The following HDGF variants were observed in gnomAD, a reference collection of about 807,000 sequenced individuals.
The protein encoded by HDGF is hepatoma-derived growth factor.
Under a neutral mutation model 30.0 loss-of-function variants are expected in HDGF, and 5 were observed. That is an observed-to-expected ratio of 0.17 (90% CI 0.09 to 0.35). The LOEUF is 0.35. HDGF is among the 10% of genes least tolerant of loss of function. The pLI is 1.00. For missense variants in HDGF, 214 were observed against 302.8 expected, an observed-to-expected ratio of 0.71 and a Z score of 2.18; for synonymous variants, 133 against 112.7, an observed-to-expected ratio of 1.18 and a Z score of -1.14.
intron 3 of HDGF, 27 bp from the exon 4 acceptor site, chr1:156,744,375 T>G (rs1429993699): frequency 6.2e-7 from 1 of 1,612,298 alleles, no homozygotes; most frequent in South Asian, 1.1e-5. Context: ...ACAGGCTGAG[T>G]GGCACCAGTC....
Position 156,743,854 on chromosome 1 carries a change from C to T in HDGF, c.514G>A (p.Ala172Thr), listed in dbSNP as rs1650315148. The change falls in exon 5 of 6, where the codon GCA (alanine) becomes ACA (threonine). Residue 172 changes from alanine (A) to threonine (T), a missense_variant. Ala to Thr is a moderately conservative substitution (Grantham distance 58). Around this residue, in one of 2 missense-constraint regions of HDGF, gnomAD observed 176 missense variants for 211.7 expected, o/e 0.83. Transcript: ENST00000357325. ...TTCTCCTCTCCTTCAGGGTTTTCTG[C>T]CTCCTTGGGACGTTTAGGAGAGTCC... The part of the protein sequence containing the change: ...LEDSPKRPKE[A>T]ENPEGEEKEA... 2 of 1,613,412 alleles carry T rather than the reference C, an allele frequency of 1.2e-6. No homozygotes were observed. Among genetic ancestry groups the T allele is most frequent in the Non-Finnish European group, 1.7e-6 (2 of 1,179,620 alleles).
At chr1:156,762,645 C>T (rs6701717) in intron 1 of HDGF, among the ~76,000 whole-genome samples, 6,459 of 151,828 alleles carry the variant, frequency 0.043, 475 homozygotes, top group African/African-American at 0.15. Context: ...CTGAGGTAGT[C>T]GGATCACCTG....
chr1:156,744,400 C>T (rs1296510913), intron 3 of HDGF, 52 bp from the exon 4 acceptor site: 1 of 1,603,144 alleles, frequency 6.2e-7, no homozygotes, highest in Non-Finnish European at 8.5e-7. Flanking sequence ...CCATGCTGGG[C>T]CCCCTCCCCA....
At chr1:156,763,451 G>T (rs6680085) in intron 1 of HDGF, among the ~76,000 whole-genome samples, 6,488 of 151,712 alleles carry the variant, frequency 0.043, 491 homozygotes, top group African/African-American at 0.15. Context: ...CTTGACCTTG[G>T]GATCCACCCG....
upstream of HDGF, chr1:156,751,962 C>G: frequency 7.2e-7 from 1 of 1,385,120 alleles, no homozygotes; most frequent in African/African-American, 1.4e-5. This position sits in a 1 kb window ranked among gnomAD's most constrained non-coding sequence, Gnocchi z 4.7. Flanking sequence ...GGTGGGTGCC[C>G]GCCCGCCCGG....
intron 1 of HDGF, among the ~76,000 whole-genome samples, chr1:156,750,987 C>G (rs941494182): frequency 6.6e-6 from 1 of 151,616 alleles, no homozygotes; most frequent in Non-Finnish European, 1.5e-5. Context: ...GAAGGAATAA[C>G]ACGACTGGCC....
At chr1:156,766,998 G>A (rs1222289808), upstream of HDGF, 1 of 152,240 alleles carries the variant, frequency 6.6e-6, no homozygotes, top group Non-Finnish European at 1.5e-5. Context: ...CTGGCTTGCA[G>A]CCCAATTTCG....
upstream of HDGF, chr1:156,752,184 G>A (rs1326303834): frequency 2.6e-6 from 4 of 1,551,710 alleles, no homozygotes; most frequent in Non-Finnish European, 3.5e-6. Context: ...TGGGCGCCGT[G>A]CCGCTCCGCG....
At chr1:156,765,084 C>T (rs1220009222) in intron 1 of HDGF, among the ~76,000 whole-genome samples, 4 of 148,970 alleles carry the variant, frequency 2.7e-5, no homozygotes, top group Non-Finnish European at 6.0e-5. Flanking sequence ...TTTATCCGCG[C>T]CCCCCCCGCC....
chr1:156,763,648 C>T (rs564645200), intron 1 of HDGF, among the ~76,000 whole-genome samples: 7 of 149,290 alleles, frequency 4.7e-5, no homozygotes, highest in African/African-American at 7.4e-5. Context: ...TGCAGTGGCG[C>T]GATCTTGGCT....
At chr1:156,755,404 T>C (rs769493206), upstream of HDGF, 1 of 152,280 alleles carries the variant, frequency 6.6e-6, no homozygotes, top group Non-Finnish European at 1.5e-5. Flanking sequence ...AGAAGCTGGT[T>C]TGGCATGTCA....
intron 1 of HDGF, among the ~76,000 whole-genome samples, chr1:156,764,477 G>C (rs1007618775): frequency 5.3e-5 from 8 of 152,258 alleles, no homozygotes; most frequent in Admixed American, 4.6e-4. Context: ...GATTACAGGC[G>C]TGAGCCACTG....
upstream of HDGF, among the ~76,000 whole-genome samples, chr1:156,754,446 G>A (rs796897660): frequency 7.2e-5 from 11 of 152,262 alleles, no homozygotes; most frequent in Middle Eastern, 3.4e-3. Flanking sequence ...TCTCCTAGGC[G>A]TTGGTTGCAA....
intron 1 of HDGF, among the ~76,000 whole-genome samples, chr1:156,764,203 C>T (rs1651308325): frequency 1.3e-5 from 2 of 151,998 alleles, no homozygotes; most frequent in South Asian, 2.1e-4. Context: ...CAGGCGTGAG[C>T]CACCGTACAT....
chr1:156,751,692 T>G, upstream of HDGF: 1 of 1,162,852 alleles, frequency 8.6e-7, no homozygotes, highest in Non-Finnish European at 1.1e-6. This position sits in a 1 kb window ranked among gnomAD's most constrained non-coding sequence, Gnocchi z 4.7. Flanking sequence ...AATTGCTCCC[T>G]CCTCTGCGCG....
upstream of HDGF, chr1:156,751,780 C>T: frequency 1.7e-6 from 2 of 1,183,518 alleles, no homozygotes; most frequent in South Asian, 2.8e-5. This position sits in a 1 kb window ranked among gnomAD's most constrained non-coding sequence, Gnocchi z 4.7. Context: ...CTCCTCCCCC[C>T]GCCCCCCAAC....
chr1:156,761,641 C>A (rs1293350149), intron 1 of HDGF, among the ~76,000 whole-genome samples: 10 of 117,508 alleles, frequency 8.5e-5, no homozygotes, highest in African/African-American at 1.9e-4. Flanking sequence ...AAAAAAAAAA[C>A]CATAAAAATA....
upstream of HDGF, chr1:156,752,495 T>G (rs764647884): frequency 3.9e-5 from 31 of 787,048 alleles, no homozygotes; most frequent in Admixed American, 9.6e-5. Flanking sequence ...TTCAGTAAAC[T>G]GTGAAGACCG....
In HDGF at chr1:156,744,662, G is replaced by A. The variant is rs894560941; in HGVS notation, c.304-314C>T. On this transcript the variant is annotated intron_variant, in intron 3 of 5. Coordinates refer to ENST00000357325, the MANE Select transcript of HDGF (RefSeq NM_004494.3). ...CCCCCGCCCCCCACCCTCCCGCCTC[G>A]TCCTGCCCGGCTCACAAGCACCTCC... The A allele has an allele frequency of 8.1e-5, 60 of 739,192 alleles. 1 individual carries two copies. The East Asian group carries it at 1.7e-3, about 21-fold the overall frequency. The allele number at this position is 739,192 out of a possible 1,614,324, so 45.8% of individuals were successfully genotyped here. A position where few individuals can be genotyped will look rare whatever the true frequency, so the allele number is the denominator to read the frequency against.
Sources: gnomAD v4.1 joint callset for allele counts (sites outside exome capture counted in the v4.1 genomes callset) on GRCh38, gnomAD v4.1.1 for gene constraint, gnomAD v4.1.1 regional missense constraint, Gnocchi (gnomAD v3.1) non-coding constraint, MANE v1.5 for transcripts, NCBI Gene and HGNC (gene_info 2026-07-23, HGNC 2026-07-21) for gene names.